Variants in ACYP2 observed in about 807,000 individuals in gnomAD.
The protein encoded by ACYP2 is acylphosphatase-2.
ACYP2 carries 12 observed loss-of-function variants against 11.2 expected under a neutral mutation model. The observed-to-expected ratio is 1.08, with a 90% CI of 0.69 to 1.74. The LOEUF is 1.74. Ranked by LOEUF, ACYP2 falls within the 40% of genes most tolerant of loss-of-function variation. ACYP2 has a pLI of 0.00. For missense variants in ACYP2, 134 were observed against 101.9 expected, an observed-to-expected ratio of 1.31 and a Z score of -1.35; for synonymous variants, 43 against 32.2, an observed-to-expected ratio of 1.33 and a Z score of -1.13.
chr2:54,300,297 A>G (rs575963456), intron 6 of ACYP2, among the ~76,000 whole-genome samples: 60 of 152,260 alleles, frequency 3.9e-4, no homozygotes, highest in African/African-American at 1.4e-3. Context: ...ACACTGATCT[A>G]CCACTCAGAT....
chr2:54,132,028 T>C (rs1680926988), intron 4 of ACYP2, among the ~76,000 whole-genome samples: 1 of 151,664 alleles, frequency 6.6e-6, no homozygotes, highest in Admixed American at 6.6e-5. Flanking sequence ...GTGCTTTCTC[T>C]TTTCATAACG....
At chr2:54,081,540 C>T (rs1677649776) in intron 4 of ACYP2, among the ~76,000 whole-genome samples, 1 of 152,142 alleles carries the variant, frequency 6.6e-6, no homozygotes, top group Admixed American at 6.5e-5. Flanking sequence ...TCAGCTATAC[C>T]ATATAGACCA....
Position 54,115,905 on chromosome 2 carries a change from G to GGGGGGGGGGT in ACYP2, c.278-19548_278-19547insGGGGGGGGGT, listed in dbSNP as rs1447852707. ...TGACACAGCAGCGGCGGCGGGGAGG[G>GGGGGGGGGGT]AGGCGAAACGCGCATGCGCCCGAGG... On this transcript the variant is annotated intron_variant, in intron 4 of 6. Transcript: ENST00000607452. 3.3e-5 allele frequency: 35 copies of GGGGGGGGGGT among 1,049,082 alleles called. 1 individual carries two copies. The African/African-American group carries it at 7.7e-4, about 23-fold the overall frequency. The allele number at this position is 1,049,082 out of a possible 1,614,324, so 65.0% of individuals were successfully genotyped here. A position where few individuals can be genotyped will look rare whatever the true frequency, so the allele number is the denominator to read the frequency against.
chr2:54,045,820 A>C (rs1675491488), intron 2 of ACYP2, among the ~76,000 whole-genome samples: 2 of 151,692 alleles, frequency 1.3e-5, no homozygotes, highest in South Asian at 4.2e-4. Context: ...TGTCCCAGAA[A>C]AAAAAATTGT....
At chr2:54,096,120 G>T in intron 4 of ACYP2, among the ~76,000 whole-genome samples, 1 of 143,926 alleles carries the variant, frequency 6.9e-6, no homozygotes, top group Non-Finnish European at 1.5e-5. Flanking sequence ...CCCAGACGGG[G>T]TGGCTGCTGG....
chr2:54,196,904 C>T (rs1017576804), intron 6 of ACYP2, among the ~76,000 whole-genome samples: 3 of 152,170 alleles, frequency 2.0e-5, no homozygotes, highest in Non-Finnish European at 2.9e-5. Context: ...GTTGGTATTA[C>T]GAGCGAAGTA....
intron 2 of ACYP2, among the ~76,000 whole-genome samples, chr2:54,021,948 C>G (rs1372766627): frequency 6.6e-6 from 1 of 152,102 alleles, no homozygotes; most frequent in Admixed American, 6.6e-5. Context: ...ATACTTTGGC[C>G]AACCTTGAGC....
intron 6 of ACYP2, among the ~76,000 whole-genome samples, chr2:54,170,734 G>T (rs1683190167): frequency 6.6e-6 from 1 of 152,138 alleles, no homozygotes; most frequent in African/African-American, 2.4e-5. Context: ...GAAAGGTTAA[G>T]ATTTGGATAG....
intron 6 of ACYP2, among the ~76,000 whole-genome samples, chr2:54,160,532 A>C (rs1470819685): frequency 6.6e-6 from 1 of 152,230 alleles, no homozygotes; most frequent in Non-Finnish European, 1.5e-5. Context: ...TCTTCTTTGA[A>C]TTCCCAGTGC....
At chr2:54,217,532 A>T (rs1181634930) in intron 6 of ACYP2, among the ~76,000 whole-genome samples, 3 of 146,596 alleles carry the variant, frequency 2.0e-5, no homozygotes, top group South Asian at 2.2e-4. Flanking sequence ...GTCCCTGGCT[A>T]TTTTTTTTTT....
At chr2:54,128,795 G>T (rs1317009707) in intron 4 of ACYP2, among the ~76,000 whole-genome samples, 1 of 151,984 alleles carries the variant, frequency 6.6e-6, no homozygotes, top group East Asian at 1.9e-4. Context: ...TATGTGTGAA[G>T]ATGCGGAAGT....
intron 6 of ACYP2, among the ~76,000 whole-genome samples, chr2:54,198,651 C>T (rs1193596991): frequency 2.0e-5 from 3 of 152,028 alleles, no homozygotes; most frequent in African/African-American, 7.2e-5. Flanking sequence ...TTTTACCATT[C>T]ATCTGTATAT....
chr2:54,007,664 G>C (rs1017323056), intron 2 of ACYP2, among the ~76,000 whole-genome samples: 95 of 152,326 alleles, frequency 6.2e-4, no homozygotes, highest in East Asian at 1.9e-4. Flanking sequence ...TCAGTAGTTT[G>C]AGACCATCTG....
At chr2:54,111,504 T>C (rs1050014230) in intron 4 of ACYP2, among the ~76,000 whole-genome samples, 1 of 152,210 alleles carries the variant, frequency 6.6e-6, no homozygotes, top group African/African-American at 2.4e-5. Flanking sequence ...GGTTCAAACC[T>C]GGGACAGAAT....
intron 4 of ACYP2, among the ~76,000 whole-genome samples, chr2:54,122,605 C>A (rs1196787788): frequency 6.6e-6 from 1 of 152,212 alleles, no homozygotes; most frequent in East Asian, 1.9e-4. Flanking sequence ...TGATAAAGTG[C>A]AGAAAAATGT....
chr2:54,262,479 GA>G lies in ACYP2; in HGVS notation c.405-42205del, dbSNP rs558858483. 3.3e-5 allele frequency among the ~76,000 whole-genome samples: 5 copies of G among 152,256 alleles called. No homozygotes were observed. The South Asian group carries it at 1.0e-3, about 32-fold the overall frequency. On this transcript the variant is annotated intron_variant, in intron 6 of 6. Coordinates refer to ENST00000607452, the MANE Select transcript of ACYP2 (RefSeq NM_001320586.2). ...TTTAGATAAAAATTTTTAAGTATTA[GA>G]AAAGAAATTGATACTACAGTAAATG...
chr2:54,249,940 CAAAAAAA>C (rs1015312135), intron 6 of ACYP2, among the ~76,000 whole-genome samples: 40 of 44,464 alleles, frequency 9.0e-4, no homozygotes, highest in Middle Eastern at 0.016. Flanking sequence ...GACCCTGTCT[CAAAAAAA>C]AAAAAAAAAA....
intron 4 of ACYP2, among the ~76,000 whole-genome samples, chr2:54,094,371 G>A (rs189378176): frequency 1.3e-5 from 2 of 151,992 alleles, no homozygotes; most frequent in Admixed American, 1.3e-4. Flanking sequence ...TGGATTAGAG[G>A]CATGTGCCAC....
intron 2 of ACYP2, among the ~76,000 whole-genome samples, chr2:54,010,242 G>A (rs1326087021): frequency 6.6e-6 from 1 of 152,180 alleles, no homozygotes; most frequent in Non-Finnish European, 1.5e-5. Context: ...CCAGCACTTT[G>A]GGAGGCCAAG....
Sources: allele counts gnomAD v4.1 joint callset (sites outside exome capture counted in the v4.1 genomes callset), GRCh38; gene constraint gnomAD v4.1.1; transcripts MANE v1.5; gene names NCBI Gene and HGNC (gene_info 2026-07-23, HGNC 2026-07-21).